The following GRM7 variants were observed in gnomAD, a reference collection of about 807,000 sequenced individuals.
GRM7 encodes the protein metabotropic glutamate receptor 7.
Under a neutral mutation model 84.5 loss-of-function variants are expected in GRM7, and 35 were observed. The observed-to-expected ratio is 0.41, with a 90% CI of 0.32 to 0.55. The LOEUF is 0.55. GRM7 is among the 20% of genes least tolerant of loss of function. The probability of loss-of-function intolerance (pLI) is 0.19; values close to 1 mark genes in which losing one functional copy is unlikely to be tolerated. For missense variants in GRM7, 1,003 were observed against 1,194.6 expected, an observed-to-expected ratio of 0.84 and a Z score of 2.36; for synonymous variants, 487 against 455.1, an observed-to-expected ratio of 1.07 and a Z score of -0.89.
intron 1 of GRM7, among the ~76,000 whole-genome samples, chr3:7,000,486 C>A (rs967852979): frequency 6.6e-6 from 1 of 151,956 alleles, no homozygotes; most frequent in East Asian, 1.9e-4. Flanking sequence ...CTCGCCCGGG[C>A]GAGCATGTGA....
chr3:7,572,823 A>AATATATATAT (rs1158871205), intron 7 of GRM7, among the ~76,000 whole-genome samples: 8 of 12,458 alleles, frequency 6.4e-4, no homozygotes, highest in African/African-American at 1.1e-3. Context: ...CTCTATCTCA[A>AATATATATAT]ATATATATAT....
At chr3:7,541,006 C>T (rs142358800) in intron 7 of GRM7, among the ~76,000 whole-genome samples, 1 of 152,144 alleles carries the variant, frequency 6.6e-6, no homozygotes, top group Non-Finnish European at 1.5e-5. Context: ...GAAACAAATT[C>T]ACAGATATGT....
At chr3:6,975,673 G>A (rs1258004299) in intron 1 of GRM7, among the ~76,000 whole-genome samples, 2 of 152,082 alleles carry the variant, frequency 1.3e-5, no homozygotes, top group South Asian at 2.1e-4. Flanking sequence ...TCTATTCTAG[G>A]CTAATAGATT....
At chr3:6,885,251 T>C (rs556644598) in intron 1 of GRM7, among the ~76,000 whole-genome samples, 6 of 152,302 alleles carry the variant, frequency 3.9e-5, no homozygotes, top group Non-Finnish European at 7.4e-5. Context: ...AGGTACTGCT[T>C]CTTGCAGAGC....
In GRM7 at chr3:6,878,833, T is replaced by C. The variant is rs190076600; in HGVS notation, c.519+16926T>C. On this transcript the variant is annotated intron_variant, in intron 1 of 9. Coordinates refer to ENST00000357716, the MANE Select transcript of GRM7 (RefSeq NM_000844.4). ...TCTGCATCAGATCTGCCTGAAAGTTTGTTAAAACACACATTGTTGGGCTCC... is the reference window on the plus strand; with the variant it reads ...TCTGCATCAGATCTGCCTGAAAGTTCGTTAAAACACACATTGTTGGGCTCC... Among the ~76,000 whole-genome samples the C allele has an allele frequency of 4.7e-4, 71 of 152,340 alleles. 1 individual carries two copies. The highest frequency in any genetic ancestry group is 1.4e-3 in the Admixed American group (22 of 15,312).
At chr3:6,961,374 T>C (rs1693290801) in intron 1 of GRM7, among the ~76,000 whole-genome samples, 1 of 152,152 alleles carries the variant, frequency 6.6e-6, no homozygotes, top group Non-Finnish European at 1.5e-5. Flanking sequence ...TACCTTCAAC[T>C]CCTTTGCCTC....
chr3:7,293,864 A>G (rs1286270640), intron 2 of GRM7, among the ~76,000 whole-genome samples: 1 of 152,188 alleles, frequency 6.6e-6, no homozygotes, highest in Non-Finnish European at 1.5e-5. Context: ...TAAACCTGCC[A>G]CATTCTTTTA....
intron 4 of GRM7, among the ~76,000 whole-genome samples, chr3:7,331,912 T>G (rs911949168): frequency 2.6e-5 from 4 of 152,088 alleles, no homozygotes; most frequent in African/African-American, 9.7e-5. Context: ...TAGCAAAACC[T>G]GAAGTAATTA....
intron 1 of GRM7, among the ~76,000 whole-genome samples, chr3:7,092,322 C>G (rs1327698207): frequency 6.6e-6 from 1 of 152,056 alleles, no homozygotes; most frequent in Non-Finnish European, 1.5e-5. Context: ...ATAAATCTGA[C>G]ACATTTCTTA....
intron 8 of GRM7, among the ~76,000 whole-genome samples, chr3:7,638,351 C>A (rs1698195497): frequency 6.6e-6 from 1 of 151,724 alleles, no homozygotes; most frequent in Non-Finnish European, 1.5e-5. Context: ...ATTTTGACAT[C>A]AATTAATTTA....
At chr3:7,256,628 C>G in intron 2 of GRM7, among the ~76,000 whole-genome samples, 1 of 142,578 alleles carries the variant, frequency 7.0e-6, no homozygotes, top group Non-Finnish European at 1.5e-5. Flanking sequence ...CACACACACA[C>G]ACATGCACAC....
chr3:6,893,061 C>T (rs2124988030), intron 1 of GRM7: 1 of 152,150 alleles, frequency 6.6e-6, no homozygotes, highest in African/African-American at 2.4e-5. Context: ...AGATGAAGGG[C>T]ATATCATCTT....
intron 4 of GRM7, among the ~76,000 whole-genome samples, chr3:7,356,900 A>G (rs1017751044): frequency 1.4e-5 from 2 of 142,216 alleles, no homozygotes; most frequent in African/African-American, 5.3e-5. Flanking sequence ...ACAGCCTATC[A>G]TGGAACTTTG....
At chr3:7,680,359 G>T in intron 9 of GRM7, 64 bp downstream of exon 9, 2 of 1,547,754 alleles carry the variant, frequency 1.3e-6, no homozygotes, top group Non-Finnish European at 1.8e-6. Flanking sequence ...AAGATGTGGG[G>T]TGTGCTTGCC....
In GRM7 at chr3:7,484,777, G is replaced by T. The variant is rs186599103; in HGVS notation, c.1515+23055G>T. On this transcript the variant is annotated intron_variant, in intron 7 of 9. Transcript: ENST00000357716. ...GTGTTGAGTGCTCCTTACCTCCTGG[G>T]ATGCATGCCCATGTGCATTCCCTTC... Among the ~76,000 whole-genome samples the T allele has an allele frequency of 3.9e-5, 6 of 152,248 alleles. No individual in the cohort carries two copies. The East Asian group carries it at 1.2e-3, about 29-fold the overall frequency.
intron 7 of GRM7, among the ~76,000 whole-genome samples, chr3:7,546,392 C>G (rs368932763): frequency 5.3e-5 from 8 of 152,194 alleles, no homozygotes; most frequent in African/African-American, 1.7e-4. Flanking sequence ...GTGCTAGTTT[C>G]AGGAAGTCTC....
At position 7,454,090 on chromosome 3, in the gene GRM7, A is replaced by ACTCTCTCTCT. The variant is rs58338960; in HGVS notation, c.1375+1313_1375+1322dup. ...ACCATACATGAAAAGCTACACACAC[A>ACTCTCTCTCT]CTCTCTCTCTCTCTCTCTCTCTCTC... On this transcript the variant is annotated intron_variant, in intron 6 of 9. Transcript: ENST00000357716. Among the ~76,000 whole-genome samples the ACTCTCTCTCT allele has an allele frequency of 8.2e-4, 115 of 140,192 alleles. No homozygotes were observed. In the Middle Eastern group the frequency reaches 0.011, roughly 14 times the overall value. 92.0% of individuals were successfully genotyped at this position (140,192 alleles called of 152,430 possible). A position where few individuals can be genotyped will look rare whatever the true frequency, so the allele number is the denominator to read the frequency against.
chr3:7,488,271 A>G (rs1260101626), intron 7 of GRM7, among the ~76,000 whole-genome samples: 1 of 152,096 alleles, frequency 6.6e-6, no homozygotes, highest in Non-Finnish European at 1.5e-5. Context: ...GACTATTCAG[A>G]TGGAATAACT....
At chr3:7,115,969 A>G (rs552145974) in intron 1 of GRM7, among the ~76,000 whole-genome samples, 63 of 152,302 alleles carry the variant, frequency 4.1e-4, no homozygotes, top group African/African-American at 1.3e-3. Context: ...ATGTCTCATT[A>G]CTGCCACTCT....
Sources: allele counts gnomAD v4.1 joint callset (sites outside exome capture counted in the v4.1 genomes callset), GRCh38; gene constraint gnomAD v4.1.1; transcripts MANE v1.5; gene names NCBI Gene and HGNC (gene_info 2026-07-23, HGNC 2026-07-21).